The following CHODL variants were observed in gnomAD, a reference collection of about 807,000 sequenced individuals.
The protein encoded by CHODL is transmembrane protein MT75.
In CHODL, 29 loss-of-function variants were observed where a neutral mutation model predicts 34.5. That is an observed-to-expected ratio of 0.84 (90% confidence interval 0.63 to 1.15). The LOEUF (loss-of-function observed/expected upper bound fraction) is 1.15, where lower values mean the gene tolerates loss of function less well. Among genes scored for constraint, CHODL ranks in the 50% most tolerant of loss-of-function variants. The probability of loss-of-function intolerance (pLI) is 0.00; values close to 1 mark genes in which losing one functional copy is unlikely to be tolerated. For synonymous variants in CHODL, 125 were observed against 116.1 expected (o/e 1.08, Z -0.49); for missense variants, 332 against 332.5 (o/e 1.00, Z 0.01).
At chr21:18,020,088 T>C (rs566856809) in intron 1 of CHODL, among the ~76,000 whole-genome samples, 13 of 152,248 alleles carry the variant, frequency 8.5e-5, no homozygotes, top group African/African-American at 3.1e-4. Flanking sequence ...TAGTGAATAA[T>C]TACAAAGAAT....
intron 2 of CHODL, among the ~76,000 whole-genome samples, chr21:18,179,929 A>T (rs145066519): frequency 6.6e-6 from 1 of 152,222 alleles, no homozygotes; most frequent in African/African-American, 2.4e-5. Context: ...AAGCATTTGG[A>T]GTGACTATAG....
At chr21:17,954,139 G>C (rs1164554726) in intron 1 of CHODL, among the ~76,000 whole-genome samples, 1 of 152,094 alleles carries the variant, frequency 6.6e-6, no homozygotes, top group African/African-American at 2.4e-5. Context: ...CATAATATCA[G>C]AAAAAGTAGA....
chr21:18,056,437 A>AGTT (rs990184878), intron 2 of CHODL, among the ~76,000 whole-genome samples: 2 of 148,926 alleles, frequency 1.3e-5, no homozygotes, highest in Non-Finnish European at 3.0e-5. Flanking sequence ...TGTTCTGAAA[A>AGTT]TTTACAATGA....
intron 5 of CHODL, 109 bp from the exon 6 acceptor site, chr21:18,265,845 A>C: frequency 1.3e-6 from 1 of 766,838 alleles, no homozygotes; most frequent in Non-Finnish European, 2.0e-6. Flanking sequence ...TACTGCTGAG[A>C]GGGGGAGTCT....
chr21:17,964,363 G>A (rs1014921997), intron 1 of CHODL, among the ~76,000 whole-genome samples: 2 of 152,108 alleles, frequency 1.3e-5, no homozygotes, highest in Non-Finnish European at 2.9e-5. Context: ...ACACACACAC[G>A]CACACATGCG....
At chr21:18,068,307 C>G (rs2064755699) in intron 2 of CHODL, among the ~76,000 whole-genome samples, 1 of 151,864 alleles carries the variant, frequency 6.6e-6, no homozygotes, top group Non-Finnish European at 1.5e-5. Context: ...AGTGATTCTC[C>G]TGCCTCAGCC....
chr21:17,946,726 G>A (rs547269030), intron 1 of CHODL, among the ~76,000 whole-genome samples: 73 of 152,088 alleles, frequency 4.8e-4, no homozygotes, highest in African/African-American at 1.6e-3. Flanking sequence ...AGCTACCCCT[G>A]CTTTCTTGAT....
At chr21:17,986,317 C>T (rs966454541) in intron 1 of CHODL, among the ~76,000 whole-genome samples, 6 of 149,340 alleles carry the variant, frequency 4.0e-5, no homozygotes, top group South Asian at 4.2e-4. Context: ...CCTCCCCTAG[C>T]CCCCCACCCC....
chr21:18,003,193 C>A (rs2063927659), intron 1 of CHODL, among the ~76,000 whole-genome samples: 1 of 150,214 alleles, frequency 6.7e-6, no homozygotes, highest in Admixed American at 6.6e-5. Flanking sequence ...TATCTAGTTT[C>A]TCGTGCATTT....
chr21:18,145,636 T>C (rs2072875394), intron 2 of CHODL, among the ~76,000 whole-genome samples: 1 of 152,164 alleles, frequency 6.6e-6, no homozygotes, highest in Non-Finnish European at 1.5e-5. Flanking sequence ...GAAAGAAAGC[T>C]TGATATCCTG....
intron 2 of CHODL, among the ~76,000 whole-genome samples, chr21:18,086,093 A>G (rs564870822): frequency 2.5e-4 from 27 of 110,046 alleles, no homozygotes; most frequent in African/African-American, 9.1e-4. Context: ...TTTTAAAAAA[A>G]CTGTCTTTAA....
At chr21:18,174,491 C>T (rs1182981801) in intron 2 of CHODL, among the ~76,000 whole-genome samples, 1 of 152,044 alleles carries the variant, frequency 6.6e-6, no homozygotes, top group Non-Finnish European at 1.5e-5. Context: ...CACTCTTAGC[C>T]ATTAACTTTC....
At chr21:17,955,592 C>G (rs1327019747) in intron 1 of CHODL, among the ~76,000 whole-genome samples, 1 of 136,706 alleles carries the variant, frequency 7.3e-6, no homozygotes, top group East Asian at 2.2e-4. Context: ...AATGCAGAAA[C>G]CATGAGACCA....
intron 2 of CHODL, among the ~76,000 whole-genome samples, chr21:18,060,572 A>G (rs979701678): frequency 2.6e-5 from 4 of 152,010 alleles, no homozygotes; most frequent in Admixed American, 2.0e-4. Flanking sequence ...TCCACAGACC[A>G]AGGCATGGCA....
intron 1 of CHODL, among the ~76,000 whole-genome samples, chr21:17,937,093 A>AAAG (rs1458238626): frequency 6.6e-6 from 1 of 151,760 alleles, no homozygotes; most frequent in Non-Finnish European, 1.5e-5. Context: ...AAAAAAAAAA[A>AAAG]AAAAAAATTA....
chr21:18,223,248 TATA>T (rs764162207), intron 2 of CHODL, among the ~76,000 whole-genome samples: 8 of 152,208 alleles, frequency 5.3e-5, no homozygotes, highest in Non-Finnish European at 1.0e-4. Context: ...CTCCAACAGC[TATA>T]ATATTTTATC....
At chr21:18,092,273 C>T (rs2065083139) in intron 2 of CHODL, among the ~76,000 whole-genome samples, 1 of 152,188 alleles carries the variant, frequency 6.6e-6, no homozygotes, top group African/African-American at 2.4e-5. Flanking sequence ...CAAGGTGGTA[C>T]CTCTGTGAAT....
chr21:18,141,412 G>A (rs2146610500), intron 2 of CHODL, among the ~76,000 whole-genome samples: 1 of 152,176 alleles, frequency 6.6e-6, no homozygotes, highest in Non-Finnish European at 1.5e-5. Flanking sequence ...ACACTGGAGT[G>A]AAATGAATGG....
chr21:18,222,845 A>G (rs1006213221), intron 2 of CHODL, among the ~76,000 whole-genome samples: 4 of 152,156 alleles, frequency 2.6e-5, no homozygotes. Flanking sequence ...TCTTGAGGAT[A>G]TCTCTCCCCA....
Sources: gnomAD v4.1 joint callset for allele counts (sites outside exome capture counted in the v4.1 genomes callset) on GRCh38, gnomAD v4.1.1 for gene constraint, MANE v1.5 for transcripts, NCBI Gene and HGNC (gene_info 2026-07-23, HGNC 2026-07-21) for gene names.